TET1: variants seen among roughly 807,000 people sequenced by gnomAD.
TET1 encodes tet methylcytosine dioxygenase 1.
TET1 carries 13 observed loss-of-function variants against 148.7 expected under a neutral mutation model. The ratio of observed to expected loss-of-function variants is 0.09; its 90% CI spans 0.06 to 0.14. The LOEUF is 0.14. Among genes scored for constraint, TET1 ranks in the 10% least tolerant of loss-of-function variants. The pLI is 1.00. For missense variants in TET1, 2,182 were observed against 2,553.8 expected (o/e 0.85, Z 3.14); for synonymous variants, 907 against 937.2 (o/e 0.97, Z 0.59).
At chr10:68,653,935 C>T (rs976945048) in intron 6 of TET1, among the ~76,000 whole-genome samples, 6 of 151,598 alleles carry the variant, frequency 4.0e-5, no homozygotes, top group African/African-American at 9.7e-5. Flanking sequence ...GGTGAAACCC[C>T]GTCTCTACTA....
At chr10:68,677,555 G>C (rs2055378201) in intron 8 of TET1, among the ~76,000 whole-genome samples, 1 of 152,102 alleles carries the variant, frequency 6.6e-6, no homozygotes, top group African/African-American at 2.4e-5. Flanking sequence ...TTTTGATACG[G>C]GGCCTCACTA....
At chr10:68,603,317 A>G (rs1388431758) in intron 3 of TET1, among the ~76,000 whole-genome samples, 1 of 152,162 alleles carries the variant, frequency 6.6e-6, no homozygotes, top group Non-Finnish European at 1.5e-5. Context: ...TTCATCATCT[A>G]TTAGAAAGTA....
At chr10:68,673,490 G>A (rs1264162103) in intron 8 of TET1, 2 of 354,284 alleles carry the variant, frequency 5.6e-6, no homozygotes, top group East Asian at 8.7e-5. Flanking sequence ...AGGCCATGGT[G>A]AGCAAAGAAA....
chr10:68,663,975 ACT>A (rs1352728212), intron 6 of TET1, among the ~76,000 whole-genome samples: 1 of 150,030 alleles, frequency 6.7e-6, no homozygotes, highest in Non-Finnish European at 1.5e-5. Context: ...TTATCACAAC[ACT>A]CTCTTCTCTC....
Position 68,667,152 on chromosome 10 carries a change from T to C in TET1, c.4569T>C (p.Asp1523=), listed in dbSNP as rs1380791157. 1.2e-6 allele frequency: 2 copies of C among 1,614,156 alleles called. No individual in the cohort carries two copies. Among genetic ancestry groups the C allele is most frequent in the East Asian group, 2.2e-5 (1 of 44,874 alleles). Residue 1523 remains aspartate, a synonymous_variant, in exon 7 of 12, where the codon GAT becomes GAC. Transcript: ENST00000373644. ...TGGTGGTGCTCATCATGGTGTGGGA[T>C]GGCATCCCTCTTCCAATGGCCGACC... ...AVMVVLIMVW[D]GIPLPMADRL...
intron 3 of TET1, among the ~76,000 whole-genome samples, chr10:68,634,370 G>T (rs1054805219): frequency 1.3e-5 from 2 of 152,204 alleles, no homozygotes; most frequent in African/African-American, 4.8e-5. Context: ...AAACAGGCCA[G>T]TGGATTTGGA....
chr10:68,667,306 A>G, intron 7 of TET1, 50 bp downstream of exon 7: 1 of 1,450,420 alleles, frequency 6.9e-7, no homozygotes. Context: ...TCTATTACAT[A>G]TTGGTAAAAT....
chr10:68,602,946 T>G (rs2054077219), intron 3 of TET1, among the ~76,000 whole-genome samples: 1 of 152,248 alleles, frequency 6.6e-6, no homozygotes, highest in Non-Finnish European at 1.5e-5. Flanking sequence ...CTTTCAGATT[T>G]TAGCTTGATG....
chr10:68,649,596 ACT>A (rs1195690142), intron 4 of TET1, among the ~76,000 whole-genome samples: 4 of 135,452 alleles, frequency 3.0e-5, no homozygotes, highest in Admixed American at 7.6e-5. Flanking sequence ...ACACAGCGAG[ACT>A]CTGTCTCAAA....
At chr10:68,612,766 C>T (rs1180014068) in intron 3 of TET1, among the ~76,000 whole-genome samples, 1 of 151,982 alleles carries the variant, frequency 6.6e-6, no homozygotes, top group African/African-American at 2.4e-5. Context: ...TACAGGTACA[C>T]ACCACCACGC....
chr10:68,626,998 C>A (rs974827368), intron 3 of TET1, among the ~76,000 whole-genome samples: 1 of 152,146 alleles, frequency 6.6e-6, no homozygotes, highest in African/African-American at 2.4e-5. Flanking sequence ...CTTGGATGGG[C>A]GTATTGGCTC....
At chr10:68,660,764 G>GA (rs1221058186) in intron 6 of TET1, among the ~76,000 whole-genome samples, 44 of 151,570 alleles carry the variant, frequency 2.9e-4, no homozygotes, top group African/African-American at 1.0e-3. Context: ...AGGTTCTAGG[G>GA]ATTGTCCTGC....
intron 2 of TET1, among the ~76,000 whole-genome samples, chr10:68,577,614 C>T (rs1354566901): frequency 2.6e-5 from 4 of 152,040 alleles, no homozygotes; most frequent in Non-Finnish European, 5.9e-5. Flanking sequence ...TTGAGACCAG[C>T]CTGGCCAACA....
intron 1 of TET1, among the ~76,000 whole-genome samples, chr10:68,566,811 TTCTC>T (rs201483313): frequency 8.2e-6 from 1 of 121,462 alleles, no homozygotes; most frequent in African/African-American, 2.6e-5. Flanking sequence ...ACCACTTATT[TTCTC>T]TCTCTCTCTT....
chr10:68,664,640 C>A lies in TET1; in HGVS notation c.4462-2405C>A, dbSNP rs1300995564. Reference sequence around the variant, plus strand: ...CGACCTCAAGTGATCTAACCACCTCCCAAAGTGCTGGGAGGTGCGCCCAGC... The same window carrying A: ...CGACCTCAAGTGATCTAACCACCTCACAAAGTGCTGGGAGGTGCGCCCAGC... On this transcript the variant is annotated intron_variant, in intron 6 of 11. Transcript: ENST00000373644. Among the ~76,000 whole-genome samples the A allele has an allele frequency of 4.0e-5, 6 of 148,560 alleles. No individual in the cohort carries two copies. The Admixed American group carries it at 4.0e-4, about 10-fold the overall frequency.
At position 68,634,156 on chromosome 10, in the gene TET1, T is replaced by C. The variant is rs147975139; in HGVS notation, c.1969-10542T>C. Among the ~76,000 whole-genome samples, 260 of 152,290 alleles carry C rather than the reference T, an allele frequency of 1.7e-3. 4 individuals are homozygous for C. The highest frequency in any genetic ancestry group is 2.9e-4 in the Non-Finnish European group (20 of 68,026). On this transcript the variant is annotated intron_variant, in intron 3 of 11. Coordinates refer to ENST00000373644, the MANE Select transcript of TET1 (RefSeq NM_030625.3). ...TGTCTAGGCCTCCCAAGGTGCTGGCTGGCATTACAGGCATGAGCCACCGCA... is the reference window on the plus strand; with the variant it reads ...TGTCTAGGCCTCCCAAGGTGCTGGCCGGCATTACAGGCATGAGCCACCGCA...
Position 68,645,089 on chromosome 10 carries a change from A to C in TET1, c.2360A>C (p.Glu787Ala), listed in dbSNP as rs1409457779. The C allele has an allele frequency of 1.2e-6, 2 of 1,611,396 alleles. No individual in the cohort carries two copies. The highest frequency in any genetic ancestry group is 1.7e-6 in the Non-Finnish European group (2 of 1,179,288). ...ATTGAAGAATTCGGCAAGACATTGG[A>C]AAACAATTCTTATAAATTCCTAAAA... is the stretch of plus-strand genomic sequence containing the variant. ...FNIEEFGKTL[E>A]NNSYKFLKDT... Residue 787 changes from glutamate to alanine, a missense_variant, in exon 4 of 12, where the codon GAA (glutamate) becomes GCA (alanine). Glu to Ala is a moderately radical substitution (Grantham distance 107, BLOSUM62 -1). Around this residue, in one of 11 missense-constraint regions of TET1, gnomAD observed 226 missense variants for 307.4 expected, o/e 0.74. Coordinates refer to ENST00000373644, the MANE Select transcript of TET1 (RefSeq NM_030625.3).
Position 68,613,170 on chromosome 10 carries a change from T to G in TET1, c.1968+12136T>G, listed in dbSNP as rs569328658. On this transcript the variant is annotated intron_variant, in intron 3 of 11. Transcript: ENST00000373644. ...GATCCAGCGTTGATAGTCTCTGTAA[T>G]TAATTGCTATGGCAAATCAAGATAC... is the stretch of plus-strand genomic sequence containing the variant. Among the ~76,000 whole-genome samples the G allele has an allele frequency of 2.4e-4, 36 of 152,376 alleles. No homozygotes were observed. In the South Asian group the frequency reaches 6.8e-3, roughly 29 times the overall value.
intron 3 of TET1, among the ~76,000 whole-genome samples, chr10:68,622,488 A>T (rs1028061483): frequency 7.3e-5 from 11 of 151,478 alleles, no homozygotes; most frequent in Non-Finnish European, 1.3e-4. Flanking sequence ...CTGGTCTGGA[A>T]CTCCTAATCT....
Sources: allele counts gnomAD v4.1 joint callset (sites outside exome capture counted in the v4.1 genomes callset), GRCh38; gene constraint gnomAD v4.1.1; regional missense constraint gnomAD v4.1.1; transcripts MANE v1.5; gene names NCBI Gene and HGNC (gene_info 2026-07-23, HGNC 2026-07-21).